The following PFKFB3 variants were observed in gnomAD, a reference collection of about 807,000 sequenced individuals.
The protein encoded by PFKFB3 is 6-phosphofructo-2-kinase/fructose-2,6-biphosphatase 3, also known as 6-phosphofructo-2-kinase/fructose-2,6-bisphosphatase 3.
In PFKFB3, 33 loss-of-function variants were observed where a neutral mutation model predicts 68.0. The ratio of observed to expected loss-of-function variants is 0.49; its 90% CI spans 0.37 to 0.65. The LOEUF is 0.65. Ranked by LOEUF, PFKFB3 falls within the 30% of genes least tolerant of loss-of-function variation. The pLI, the probability that PFKFB3 is intolerant of heterozygous loss-of-function variation, is 0.00. For missense variants in PFKFB3, 586 were observed against 712.2 expected (o/e 0.82, Z 2.02); for synonymous variants, 315 against 288.2 (o/e 1.09, Z -0.94).
chr10:6,275,577 C>T, the PFKFB3 span, among the ~76,000 whole-genome samples: 2 of 152,226 alleles, frequency 1.3e-5, no homozygotes, highest in African/African-American at 4.8e-5. This position sits in a 1 kb window ranked among gnomAD's most constrained non-coding sequence, Gnocchi z 4.9. Flanking sequence ...TTGTTCCCCA[C>T]ACGCGTTCTT....
chr10:6,228,348 G>C lies in PFKFB3; in HGVS notation c.1515+1983G>C. On this transcript the variant is annotated intron_variant, in intron 14 of 14. Coordinates refer to ENST00000379775, the MANE Select transcript of PFKFB3 (RefSeq NM_004566.4). This position sits in a 1 kb window ranked among gnomAD's most constrained non-coding sequence, Gnocchi z 4.5. ...TGTGAGGTCTTCCGTGGGGGAAGGA[G>C]GAGATGGGCGTAGGAGTAGGGAGGA... 4 of 978,716 alleles carry C rather than the reference G, an allele frequency of 4.1e-6. No homozygotes were observed. Among genetic ancestry groups the C allele is most frequent in the Non-Finnish European group, 6.5e-6 (4 of 615,294 alleles). The allele number at this position is 978,716 out of a possible 1,614,324, so 60.6% of individuals were successfully genotyped here.
intron 14 of PFKFB3, among the ~76,000 whole-genome samples, chr10:6,242,857 G>A (rs1846170405): frequency 6.6e-6 from 1 of 152,162 alleles, no homozygotes; most frequent in Non-Finnish European, 1.5e-5. Flanking sequence ...CAAAGTGTTG[G>A]GATTACAGGC....
intron 2 of PFKFB3, among the ~76,000 whole-genome samples, chr10:6,214,761 A>C (rs1289273984): frequency 6.6e-6 from 1 of 152,180 alleles, no homozygotes; most frequent in South Asian, 2.1e-4. Context: ...CATGGGACAC[A>C]TGTCTCCGGC....
At chr10:6,206,293 C>G (rs12572271) in intron 1 of PFKFB3, among the ~76,000 whole-genome samples, 2 of 134,770 alleles carry the variant, frequency 1.5e-5, no homozygotes, top group East Asian at 4.1e-4. Flanking sequence ...AACAGGATCC[C>G]AAGGCATAAG....
At chr10:6,258,858 C>G (rs1299068486), downstream of PFKFB3, among the ~76,000 whole-genome samples, 1 of 152,158 alleles carries the variant, frequency 6.6e-6, no homozygotes, top group African/African-American at 2.4e-5. Flanking sequence ...TTCCCCTGGT[C>G]AGTAAACAGC....
rs2132026325 is a variant in PFKFB3, at chr10:6,228,017, C to T, written c.1515+1652C>T. Among the ~76,000 whole-genome samples the T allele has an allele frequency of 6.6e-6, 1 of 152,286 alleles. No homozygotes were observed. Among genetic ancestry groups the T allele is most frequent in the South Asian group, 2.1e-4 (1 of 4,824 alleles). On this transcript the variant is annotated intron_variant, in intron 14 of 14. Coordinates refer to ENST00000379775, the MANE Select transcript of PFKFB3 (RefSeq NM_004566.4). This position sits in a 1 kb window ranked among gnomAD's most constrained non-coding sequence, Gnocchi z 4.5. ...GTGGAGGACGCAGTGGCAGGGGCTG[C>T]ATCCTCCTGTCCGCTTCAGAGCTGC...
chr10:6,316,718 C>T, the PFKFB3 span, among the ~76,000 whole-genome samples: 29 of 152,240 alleles, frequency 1.9e-4, no homozygotes, highest in African/African-American at 6.7e-4. Flanking sequence ...CCTCAAGTGA[C>T]TCCCAAAGTG....
intron 1 of PFKFB3, among the ~76,000 whole-genome samples, chr10:6,191,226 C>T (rs563260358): frequency 1.3e-5 from 2 of 152,310 alleles, no homozygotes; most frequent in Non-Finnish European, 1.5e-5. Context: ...GTTAAAAATA[C>T]GTTGATTGAT....
chr10:6,229,187 C>CA lies in PFKFB3; in HGVS notation c.1515+2823dup, dbSNP rs777675739. 6.0e-5 allele frequency: 31 copies of CA among 520,906 alleles called. No homozygotes were observed. Among genetic ancestry groups the CA allele is most frequent in the Non-Finnish European group, 1.2e-4 (30 of 253,532 alleles). The allele number at this position is 520,906 out of a possible 1,614,324, so 32.3% of individuals were successfully genotyped here. On this transcript the variant is annotated intron_variant, in intron 14 of 14. Coordinates refer to ENST00000379775, the MANE Select transcript of PFKFB3 (RefSeq NM_004566.4). The surrounding 1 kb of genome is among the most constrained non-coding windows in gnomAD (Gnocchi z 4.3). ...GGCTTTGGAAATGGGAGAGGTTTGG[C>CA]ATGGCGCTCAGATTTTGGTGGCAAA...
the PFKFB3 span, among the ~76,000 whole-genome samples, chr10:6,279,982 A>T: frequency 6.6e-6 from 1 of 152,200 alleles, no homozygotes; most frequent in African/African-American, 2.4e-5. Context: ...ATCAATAGGC[A>T]GATAGGACCG....
At chr10:6,214,629 T>C (rs2516619) in intron 2 of PFKFB3, among the ~76,000 whole-genome samples, 55,897 of 151,896 alleles carry the variant, frequency 0.37, 12,478 homozygotes, top group African/African-American at 0.64. Flanking sequence ...GTTACCCAGA[T>C]AGTGAACATT....
chr10:6,286,078 C>T, the PFKFB3 span, among the ~76,000 whole-genome samples: 15 of 149,320 alleles, frequency 1.0e-4, no homozygotes, highest in South Asian at 2.6e-3. Flanking sequence ...CCCGGGTTCA[C>T]GCCATTCTCC....
intron 14 of PFKFB3, among the ~76,000 whole-genome samples, chr10:6,242,483 C>G (rs969717486): frequency 2.0e-5 from 3 of 152,228 alleles, no homozygotes; most frequent in Admixed American, 2.0e-4. Flanking sequence ...ATCCTCACTT[C>G]GTTTTCCTCA....
chr10:6,175,993 A>C (rs112789514), intron 1 of PFKFB3, among the ~76,000 whole-genome samples: 63 of 152,366 alleles, frequency 4.1e-4, no homozygotes, highest in African/African-American at 1.5e-3. Flanking sequence ...GCGTAGACGC[A>C]TGCACTCAAG....
chr10:6,217,979 CG>C (rs1844701999), intron 6 of PFKFB3, among the ~76,000 whole-genome samples: 1 of 152,146 alleles, frequency 6.6e-6, no homozygotes, highest in Non-Finnish European at 1.5e-5. Context: ...GTGTTAGCCC[CG>C]GTATCTTCCC....
At chr10:6,146,327 C>T (rs1449441304) in intron 1 of PFKFB3, 6 of 1,528,030 alleles carry the variant, frequency 3.9e-6, no homozygotes, top group Non-Finnish European at 5.3e-6. Flanking sequence ...GCGTGGGCTC[C>T]TGGCGGTGAA....
upstream of PFKFB3, among the ~76,000 whole-genome samples, chr10:6,200,659 C>CGGGGGG (rs57019530): frequency 7.3e-5 from 5 of 68,960 alleles, no homozygotes; most frequent in African/African-American, 1.3e-4. Flanking sequence ...ATGTAAGGAG[C>CGGGGGG]GGGGGGGGGG....
the PFKFB3 span, among the ~76,000 whole-genome samples, chr10:6,263,743 T>C: frequency 6.6e-6 from 1 of 152,166 alleles, no homozygotes; most frequent in Admixed American, 6.5e-5. Context: ...TGGAGGGCAA[T>C]GGTGCAATCT....
the PFKFB3 span, among the ~76,000 whole-genome samples, chr10:6,303,227 T>C: frequency 6.6e-6 from 1 of 152,198 alleles, no homozygotes; most frequent in Non-Finnish European, 1.5e-5. Context: ...GAGGAATACA[T>C]TGATTTATTT....
Sources: gnomAD v4.1 joint callset for allele counts (sites outside exome capture counted in the v4.1 genomes callset) on GRCh38, gnomAD v4.1.1 for gene constraint, Gnocchi (gnomAD v3.1) non-coding constraint, MANE v1.5 for transcripts, NCBI Gene and HGNC (gene_info 2026-07-23, HGNC 2026-07-21) for gene names.